The following NBEAL1 variants were observed in gnomAD, a reference collection of about 807,000 sequenced individuals.
NBEAL1 encodes the protein neurobeachin like 1, also known as neurobeachin-like protein 1.
In NBEAL1, 273 loss-of-function variants were observed where a neutral mutation model predicts 351.3. The ratio of observed to expected loss-of-function variants is 0.78; its 90% confidence interval spans 0.70 to 0.86. NBEAL1 has a LOEUF of 0.86. NBEAL1 is among the 40% of genes least tolerant of loss of function. The pLI is 0.00. For missense variants in NBEAL1, 2,961 were observed against 3,201.3 expected, an observed-to-expected ratio of 0.92 and a Z score of 1.81; for synonymous variants, 1,050 against 1,086.4, an observed-to-expected ratio of 0.97 and a Z score of 0.66.
chr2:203,055,158 T>C (rs2061384623), intron 4 of NBEAL1, among the ~76,000 whole-genome samples: 1 of 152,240 alleles, frequency 6.6e-6, no homozygotes, highest in Non-Finnish European at 1.5e-5. Flanking sequence ...AAAAAAAGTT[T>C]TGTCCATGTT....
At position 203,112,057 on chromosome 2, in the gene NBEAL1, CAGA is replaced by C; in HGVS notation, c.2164_2166del (p.Lys722del). 1.3e-6 allele frequency: 2 copies of C among 1,552,560 alleles called. No homozygotes were observed. The highest frequency in any genetic ancestry group is 1.7e-6 in the Non-Finnish European group (2 of 1,147,182). On this transcript the variant is annotated inframe_deletion, in exon 16 of 56. Coordinates refer to ENST00000683969, the MANE Select transcript of NBEAL1 (RefSeq NM_001378026.1). Reference sequence around the variant, plus strand: ...CGTCTATATCTATGACAATGGACAACAGAAGGTTTCTGCCCCTCTCAGATTTCC... The same window carrying C: ...CGTCTATATCTATGACAATGGACAACAGGTTTCTGCCCCTCTCAGATTTCC...
At chr2:203,027,065 C>A (rs926932271) in intron 2 of NBEAL1, among the ~76,000 whole-genome samples, 2 of 152,110 alleles carry the variant, frequency 1.3e-5, no homozygotes, top group East Asian at 3.9e-4. Context: ...AAATATAATT[C>A]AGTTTTTTTG....
At chr2:203,214,546 G>A (rs191759057) in intron 55 of NBEAL1, among the ~76,000 whole-genome samples, 1 of 152,154 alleles carries the variant, frequency 6.6e-6, no homozygotes, top group East Asian at 1.9e-4. Flanking sequence ...GGACCGAGAC[G>A]AGCGGATCAC....
intron 22 of NBEAL1, 49 bp from the exon 23 acceptor site, chr2:203,126,775 A>T (rs1326605432): frequency 6.5e-7 from 1 of 1,534,756 alleles, no homozygotes; most frequent in African/African-American, 1.4e-5. Flanking sequence ...ATAACTACCT[A>T]TTGACTTTAT....
In NBEAL1 at chr2:203,099,679, G is replaced by C; in HGVS notation, c.1236G>C (p.Leu412Phe). The change falls in exon 12 of 56, where the codon TTG becomes TTC. Residue 412 changes from leucine (L) to phenylalanine (F), a missense_variant. Coordinates refer to ENST00000683969, the MANE Select transcript of NBEAL1 (RefSeq NM_001378026.1). ...DCLAISTIQA[L>F]TAVMNKSPAA... ...TGGCCATATCAACCATTCAGGCTTT[G>C]ACCGCAGTAATGAACAAATCTCCAG... 1 of 1,551,186 alleles carries C rather than the reference G, an allele frequency of 6.4e-7. No individual in the cohort carries two copies. The highest frequency in any genetic ancestry group is 1.4e-5 in the African/African-American group (1 of 73,176).
At chr2:203,024,449 T>G (rs2060821938) in intron 2 of NBEAL1, among the ~76,000 whole-genome samples, 1 of 151,476 alleles carries the variant, frequency 6.6e-6, no homozygotes, top group African/African-American at 2.4e-5. Flanking sequence ...TCGCAGCTAC[T>G]TAGGAGGCAA....
chr2:203,016,361 TA>T lies in NBEAL1; in HGVS notation c.-21del. 1.4e-6 allele frequency: 2 copies of T among 1,452,678 alleles called. No individual in the cohort carries two copies. Among genetic ancestry groups the T allele is most frequent in the Non-Finnish European group, 1.8e-6 (2 of 1,084,354 alleles). 90.0% of individuals were successfully genotyped at this position (1,452,678 alleles called of 1,614,324 possible). On this transcript the variant is annotated 5_prime_UTR_variant, in exon 2 of 56. Coordinates refer to ENST00000683969, the MANE Select transcript of NBEAL1 (RefSeq NM_001378026.1). The stretch of plus-strand genomic sequence containing the variant: ...GAACATAATTTTTTTAAGGAAAACT[TA>T]AAGTGCCAGAGTGAAAGCCAGAATG...
chr2:203,081,727 G>A (rs1194547700), intron 8 of NBEAL1, among the ~76,000 whole-genome samples: 1 of 152,120 alleles, frequency 6.6e-6, no homozygotes, highest in Admixed American at 6.5e-5. Context: ...TAGAGTTCTG[G>A]CCATTATGTT....
intron 10 of NBEAL1, among the ~76,000 whole-genome samples, chr2:203,092,906 C>T (rs2062094160): frequency 1.3e-5 from 2 of 152,102 alleles, no homozygotes; most frequent in Admixed American, 1.3e-4. Context: ...AAGACAAATT[C>T]AGTGATAAAG....
intron 8 of NBEAL1, among the ~76,000 whole-genome samples, chr2:203,080,337 G>A (rs573851591): frequency 1.6e-4 from 25 of 152,180 alleles, no homozygotes; most frequent in African/African-American, 5.5e-4. Context: ...GCGTGAACCC[G>A]GGAGGCGGAG....
chr2:203,076,855 G>A (rs1014159961), intron 7 of NBEAL1, among the ~76,000 whole-genome samples: 6 of 151,686 alleles, frequency 4.0e-5, no homozygotes, highest in Non-Finnish European at 7.4e-5. Flanking sequence ...GCCTCCCAAA[G>A]TGCTGGGATT....
intron 7 of NBEAL1, among the ~76,000 whole-genome samples, chr2:203,076,606 T>TG (rs2061778828): frequency 1.4e-5 from 2 of 147,602 alleles, no homozygotes; most frequent in African/African-American, 5.0e-5. Context: ...TTTTTTTTTT[T>TG]TTTGAGATGA....
intron 17 of NBEAL1, among the ~76,000 whole-genome samples, chr2:203,115,177 G>C (rs2106252854): frequency 6.6e-6 from 1 of 150,852 alleles, no homozygotes; most frequent in South Asian, 2.1e-4. Flanking sequence ...GCCCAGGCTG[G>C]AGTGCAATGG....
At chr2:203,153,174 C>T (rs552619012) in intron 35 of NBEAL1, among the ~76,000 whole-genome samples, 73 of 152,212 alleles carry the variant, frequency 4.8e-4, no homozygotes, top group African/African-American at 1.6e-3. Flanking sequence ...TCTCTGTTGA[C>T]CAAGCTAGAT....
At chr2:203,014,862 G>GC (rs1275771372), upstream of NBEAL1, 1 of 152,328 alleles carries the variant, frequency 6.6e-6, no homozygotes, top group Admixed American at 6.5e-5. Context: ...CTCTCGCCCC[G>GC]CCCCCATGTC....
At chr2:203,099,276 C>CAA (rs767300078) in intron 11 of NBEAL1, among the ~76,000 whole-genome samples, 2 of 88,594 alleles carry the variant, frequency 2.3e-5, no homozygotes, top group South Asian at 3.5e-4. Context: ...AACTCCATCT[C>CAA]AAAAAAAAAA....
intron 42 of NBEAL1, among the ~76,000 whole-genome samples, chr2:203,177,649 C>T (rs1031804374): frequency 3.3e-5 from 5 of 152,008 alleles, no homozygotes; most frequent in African/African-American, 1.2e-4. Context: ...AAATTGGAAG[C>T]CTTATAAATA....
chr2:203,190,543 A>G, intron 46 of NBEAL1, 154 bp downstream of exon 46: 1 of 725,646 alleles, frequency 1.4e-6, no homozygotes, highest in Non-Finnish European at 2.2e-6. Flanking sequence ...ATTATTTCCA[A>G]GAGGAAAAAC....
At chr2:203,198,009 T>A (rs954554464) in intron 48 of NBEAL1, among the ~76,000 whole-genome samples, 27 of 146,904 alleles carry the variant, frequency 1.8e-4, no homozygotes, top group African/African-American at 4.4e-4. Flanking sequence ...ATATATATTT[T>A]TTTTTCTTTT....
Sources: gnomAD v4.1 joint callset for allele counts (sites outside exome capture counted in the v4.1 genomes callset) on GRCh38, gnomAD v4.1.1 for gene constraint, MANE v1.5 for transcripts, NCBI Gene and HGNC (gene_info 2026-07-23, HGNC 2026-07-21) for gene names.